Variants in ACAP2 observed in about 807,000 individuals in gnomAD.
The protein encoded by ACAP2 is arf-GAP with coiled-coil, ANK repeat and PH domain-containing protein 2.
A neutral mutation model predicts 115.8 loss-of-function variants in ACAP2; 39 were observed. That is an observed-to-expected ratio of 0.34 (90% confidence interval 0.26 to 0.44). The LOEUF is 0.44. Among genes scored for constraint, ACAP2 ranks in the 20% least tolerant of loss-of-function variants. ACAP2 has a pLI of 1.00. For synonymous variants in ACAP2, 289 were observed against 315.8 expected (o/e 0.92, Z 0.90); for missense variants, 662 against 927.6 (o/e 0.71, Z 3.72).
intron 4 of ACAP2, among the ~76,000 whole-genome samples, chr3:195,369,265 A>G (rs1431246949): frequency 6.6e-6 from 1 of 152,108 alleles, no homozygotes; most frequent in Non-Finnish European, 1.5e-5. Context: ...TAAATGCTTA[A>G]TTTTTTATTT....
chr3:195,320,567 A>G (rs1423901286), intron 10 of ACAP2, 134 bp downstream of exon 10: 2 of 551,784 alleles, frequency 3.6e-6, no homozygotes, highest in East Asian at 5.7e-5. Context: ...TATCTTCAAT[A>G]GACTGGGTTC....
chr3:195,363,929 C>G (rs1019979501), intron 4 of ACAP2, among the ~76,000 whole-genome samples: 2 of 152,144 alleles, frequency 1.3e-5, no homozygotes, highest in African/African-American at 4.8e-5. Flanking sequence ...GAAACTAGAG[C>G]CCTATCTCTT....
intron 19 of ACAP2, 120 bp from the exon 20 acceptor site, chr3:195,291,935 A>G: frequency 1.2e-6 from 1 of 823,142 alleles, no homozygotes; most frequent in Non-Finnish European, 1.8e-6. Flanking sequence ...CCTTCTCTCC[A>G]AAACAAAAAA....
At chr3:195,426,469 T>C (rs1258520767) in intron 1 of ACAP2, among the ~76,000 whole-genome samples, 1 of 152,180 alleles carries the variant, frequency 6.6e-6, no homozygotes, top group Non-Finnish European at 1.5e-5. Flanking sequence ...GTCTAAACTC[T>C]TCAGAAAAGC....
At chr3:195,281,120 T>C (rs1412187579) in intron 22 of ACAP2, among the ~76,000 whole-genome samples, 4 of 152,162 alleles carry the variant, frequency 2.6e-5, no homozygotes, top group African/African-American at 4.8e-5. Context: ...ATGTTAATAC[T>C]TTTGGCCCGG....
intron 4 of ACAP2, among the ~76,000 whole-genome samples, chr3:195,355,789 C>A (rs1381196954): frequency 6.6e-6 from 1 of 152,180 alleles, no homozygotes; most frequent in East Asian, 1.9e-4. Context: ...AGAGCATTAT[C>A]CCCATTTCCA....
At chr3:195,377,830 TACACACTGG>T (rs1449441859) in intron 4 of ACAP2, among the ~76,000 whole-genome samples, 1 of 152,112 alleles carries the variant, frequency 6.6e-6, no homozygotes, top group African/African-American at 2.4e-5. Flanking sequence ...GGGAACAAAA[TACACACTGG>T]ACTTCTGGGT....
intron 4 of ACAP2, among the ~76,000 whole-genome samples, chr3:195,354,651 T>C (rs916098424): frequency 7.2e-5 from 11 of 152,210 alleles, no homozygotes; most frequent in African/African-American, 2.2e-4. Context: ...GACAGTTTCT[T>C]TGATTGTGCA....
chr3:195,437,629 C>G (rs990328715), intron 1 of ACAP2, among the ~76,000 whole-genome samples: 1 of 151,868 alleles, frequency 6.6e-6, no homozygotes, highest in East Asian at 1.9e-4. Context: ...GCCTGGCCAA[C>G]ATAGTGAAAC....
At chr3:195,309,545 C>CAA (rs199627783) in intron 10 of ACAP2, among the ~76,000 whole-genome samples, 3 of 106,536 alleles carry the variant, frequency 2.8e-5, no homozygotes, top group Non-Finnish European at 4.0e-5. Context: ...GACTCCGTCT[C>CAA]AAAAAAAAAA....
intron 1 of ACAP2, among the ~76,000 whole-genome samples, chr3:195,424,915 TAA>T (rs34038109): frequency 0.016 from 905 of 55,654 alleles, 44 homozygotes; most frequent in African/African-American, 0.062. Context: ...GACCCTGTCT[TAA>T]AAAAAAAAAA....
rs745940118 is a variant in ACAP2, at chr3:195,289,176, C to T, written c.2119G>A (p.Gly707Arg). 13 of 1,613,654 alleles carry T rather than the reference C, an allele frequency of 8.1e-6. No homozygotes were observed. The highest frequency in any genetic ancestry group is 7.6e-6 in the Non-Finnish European group (9 of 1,179,862). The change falls in exon 21 of 23, where the codon GGG becomes AGG. Residue 707 changes from glycine (G) to arginine (R), a missense_variant. Gly to Arg is a moderately radical substitution (Grantham distance 125). Transcript: ENST00000326793. Reference protein sequence around the residue: ...GANQHATDEEGKDPLSIAVEA... With the variant: ...GANQHATDEERKDPLSIAVEA... ...ACAGCTATGCTCAAAGGGTCTTTCC[C>T]TTCTTCATCAGTGGCATGTTGATTG...
At chr3:195,429,893 G>A (rs1300298597) in intron 1 of ACAP2, among the ~76,000 whole-genome samples, 1 of 152,180 alleles carries the variant, frequency 6.6e-6, no homozygotes, top group Non-Finnish European at 1.5e-5. Context: ...GCACAAGGGA[G>A]AGTAAGTATA....
chr3:195,424,283 A>ATATTTTTTTTTTTTTT (rs1179576221), intron 1 of ACAP2, among the ~76,000 whole-genome samples: 1 of 54,130 alleles, frequency 1.8e-5, no homozygotes, highest in Non-Finnish European at 3.1e-5. Flanking sequence ...ATATATATAT[A>ATATTTTTTTTTTTTTT]TTTTTTTTTT....
intron 3 of ACAP2, 93 bp from the exon 4 acceptor site, chr3:195,381,155 A>C (rs2108750980): frequency 1.2e-6 from 1 of 860,582 alleles, no homozygotes; most frequent in Non-Finnish European, 1.8e-6. Context: ...ACAGAAGATC[A>C]AGTTACACTG....
Position 195,326,966 on chromosome 3 carries a change from A to C in ACAP2, c.670-7T>G, listed in dbSNP as rs1729836445. ...CCACAACCAGTCGATCCAACTGTAA[A>C]AAGGGAAAAGAGAAAACTGCAGACT... is the stretch of plus-strand genomic sequence containing the variant. On this transcript the variant is annotated splice_region_variant and splice_polypyrimidine_tract_variant and intron_variant, in intron 8 of 22. Coordinates refer to ENST00000326793, the MANE Select transcript of ACAP2 (RefSeq NM_012287.6). The C allele has an allele frequency of 3.7e-6, 6 of 1,612,872 alleles. No homozygotes were observed. The South Asian group carries it at 4.4e-5, about 12-fold the overall frequency.
intron 1 of ACAP2, among the ~76,000 whole-genome samples, chr3:195,409,399 G>A (rs1713064030): frequency 6.6e-6 from 1 of 151,708 alleles, no homozygotes; most frequent in Admixed American, 6.6e-5. Flanking sequence ...TGAAAGGCTT[G>A]TACAATAGAA....
rs1732912142 is a variant in ACAP2, at chr3:195,368,838, C to T, written c.285+12171G>A. Among the ~76,000 whole-genome samples the T allele has an allele frequency of 2.0e-5, 3 of 152,214 alleles. No individual in the cohort carries two copies. In the South Asian group the frequency reaches 6.2e-4, roughly 32 times the overall value. ...GTGGCTCACGCCTGTAATCCCACCA[C>T]TTTGAGAGGCCAAGGCGGGTGAATC... On this transcript the variant is annotated intron_variant, in intron 4 of 22. Coordinates refer to ENST00000326793, the MANE Select transcript of ACAP2 (RefSeq NM_012287.6).
chr3:195,299,894 T>C (rs1277804252), intron 15 of ACAP2, among the ~76,000 whole-genome samples: 1 of 152,130 alleles, frequency 6.6e-6, no homozygotes, highest in Non-Finnish European at 1.5e-5. Flanking sequence ...TTTTCTACTC[T>C]ACACTAAATA....
Sources: allele counts gnomAD v4.1 joint callset (sites outside exome capture counted in the v4.1 genomes callset), GRCh38; gene constraint gnomAD v4.1.1; transcripts MANE v1.5; gene names NCBI Gene and HGNC (gene_info 2026-07-23, HGNC 2026-07-21).